MACROD2: variants seen among roughly 807,000 people sequenced by gnomAD.
The protein encoded by MACROD2 is ADP-ribose glycohydrolase MACROD2.
Under a neutral mutation model 70.4 loss-of-function variants are expected in MACROD2, and 36 were observed. That is an observed-to-expected ratio of 0.51 (90% CI 0.39 to 0.68). The LOEUF is 0.68. MACROD2 is among the 30% of genes least tolerant of loss of function. The pLI is 0.00. For missense variants in MACROD2, 496 were observed against 538.4 expected, an observed-to-expected ratio of 0.92 and a Z score of 0.78; for synonymous variants, 172 against 178.8, an observed-to-expected ratio of 0.96 and a Z score of 0.30.
chr20:15,251,923 G>A (rs1379931467), intron 6 of MACROD2, among the ~76,000 whole-genome samples: 1 of 152,166 alleles, frequency 6.6e-6, no homozygotes, highest in Non-Finnish European at 1.5e-5. Context: ...TCAAAGCTGA[G>A]GGAGTTATAT....
intron 10 of MACROD2, among the ~76,000 whole-genome samples, chr20:15,912,848 A>G (rs1395083180): frequency 6.6e-6 from 1 of 152,216 alleles, no homozygotes; most frequent in African/African-American, 2.4e-5. Context: ...TTCTGCATAA[A>G]ATTTAATTAT....
In MACROD2 at chr20:14,003,299, A is replaced by G. The variant is rs146722498; in HGVS notation, c.163+895A>G. On this transcript the variant is annotated intron_variant, in intron 2 of 17. Coordinates refer to ENST00000684519, the MANE Select transcript of MACROD2 (RefSeq NM_001351661.2). ...TGGTGTCTGTGAAGAGAACACATTGACCTGAGGATTTGGGTTTTAGACACA... is the reference window on the plus strand; with the variant it reads ...TGGTGTCTGTGAAGAGAACACATTGGCCTGAGGATTTGGGTTTTAGACACA... 8.6e-4 allele frequency among the ~76,000 whole-genome samples: 131 copies of G among 152,268 alleles called. 3 individuals are homozygous for G. The East Asian group carries it at 0.023, about 27-fold the overall frequency.
At chr20:14,538,032 C>T (rs549793589) in intron 4 of MACROD2, among the ~76,000 whole-genome samples, 7 of 152,260 alleles carry the variant, frequency 4.6e-5, no homozygotes, top group African/African-American at 1.4e-4. Flanking sequence ...TATCTTTTCT[C>T]GAGTGCTTAC....
At chr20:14,956,845 T>C (rs190777583) in intron 5 of MACROD2, among the ~76,000 whole-genome samples, 73 of 152,284 alleles carry the variant, frequency 4.8e-4, no homozygotes, top group Non-Finnish European at 9.4e-4. Context: ...ACGCTTCTGA[T>C]GATGTAGTAA....
intron 8 of MACROD2, among the ~76,000 whole-genome samples, chr20:15,564,771 C>T (rs1449529413): frequency 6.6e-6 from 1 of 152,154 alleles, no homozygotes; most frequent in Non-Finnish European, 1.5e-5. Context: ...ACATTTTGAA[C>T]ATTTTTCCCA....
intron 2 of MACROD2, among the ~76,000 whole-genome samples, chr20:14,016,107 A>C (rs992495449): frequency 6.6e-6 from 1 of 152,246 alleles, no homozygotes; most frequent in Non-Finnish European, 1.5e-5. Context: ...CCCACCACCA[A>C]TGCACAGGGG....
intron 8 of MACROD2, among the ~76,000 whole-genome samples, chr20:15,615,690 C>T (rs1046609910): frequency 1.6e-4 from 24 of 152,120 alleles, no homozygotes; most frequent in Non-Finnish European, 1.2e-4. Flanking sequence ...TGAGGAGTGT[C>T]CTGCTCTTTC....
intron 3 of MACROD2, among the ~76,000 whole-genome samples, chr20:14,169,310 G>C (rs557792280): frequency 1.4e-5 from 2 of 144,116 alleles, no homozygotes; most frequent in South Asian, 4.3e-4. Flanking sequence ...ACTTTTTTTT[G>C]GGGGGGGGCG....
intron 5 of MACROD2, among the ~76,000 whole-genome samples, chr20:15,111,754 G>C (rs2075957232): frequency 6.6e-6 from 1 of 152,224 alleles, no homozygotes; most frequent in Admixed American, 6.5e-5. Context: ...AGGACAACTT[G>C]TAAAACTTTC....
At chr20:14,085,831 C>T (rs750128342) in intron 3 of MACROD2, 103 bp downstream of exon 3, 48 of 589,066 alleles carry the variant, frequency 8.1e-5, no homozygotes, top group African/African-American at 1.7e-4. Context: ...TGCTTTTTGA[C>T]GTAGAAATGT....
At chr20:15,559,063 C>G (rs35039954) in intron 8 of MACROD2, among the ~76,000 whole-genome samples, 13,978 of 151,730 alleles carry the variant, frequency 0.092, 773 homozygotes, top group South Asian at 0.17. Context: ...CCCGTCTCTA[C>G]TAAAAATACA....
chr20:14,695,828 A>C (rs2071119009), intron 5 of MACROD2, among the ~76,000 whole-genome samples: 1 of 152,250 alleles, frequency 6.6e-6, no homozygotes, highest in South Asian at 2.1e-4. Flanking sequence ...AGAGGCATCC[A>C]GCCAAGCCAC....
At chr20:15,093,170 C>T (rs1056673035) in intron 5 of MACROD2, among the ~76,000 whole-genome samples, 2 of 152,026 alleles carry the variant, frequency 1.3e-5, no homozygotes, top group Non-Finnish European at 2.9e-5. Flanking sequence ...AATTATCTCC[C>T]CACCAAAGAT....
At chr20:14,923,835 A>C in intron 5 of MACROD2, among the ~76,000 whole-genome samples, 1 of 149,744 alleles carries the variant, frequency 6.7e-6, no homozygotes, top group Non-Finnish European at 1.5e-5. Context: ...GAGGGTTGGG[A>C]AAGAGAAGAA....
chr20:14,318,867 A>T (rs111496911), intron 3 of MACROD2, among the ~76,000 whole-genome samples: 1 of 152,006 alleles, frequency 6.6e-6, no homozygotes, highest in African/African-American at 2.4e-5. Flanking sequence ...TTGGGTTCCA[A>T]TTTCCCATGT....
intron 8 of MACROD2, among the ~76,000 whole-genome samples, chr20:15,534,506 C>T (rs977812110): frequency 3.3e-5 from 5 of 152,154 alleles, no homozygotes; most frequent in African/African-American, 1.2e-4. Context: ...TTCTCCCTCC[C>T]TTACAGGCTC....
At chr20:14,292,127 C>G (rs1281918424) in intron 3 of MACROD2, among the ~76,000 whole-genome samples, 1 of 151,824 alleles carries the variant, frequency 6.6e-6, no homozygotes, top group South Asian at 2.1e-4. Flanking sequence ...TAAAGCTATC[C>G]CTGGAGGGAG....
At position 15,065,654 on chromosome 20, in the gene MACROD2, CAAAAAAAA is replaced by C. The variant is rs554222351; in HGVS notation, c.419-164276_419-164269del. Among the ~76,000 whole-genome samples the C allele has an allele frequency of 3.2e-5, 3 of 95,008 alleles. No homozygotes were observed. The South Asian group carries it at 9.5e-4, about 30-fold the overall frequency. 62.3% of individuals were successfully genotyped at this position (95,008 alleles called of 152,430 possible). Reference sequence around the variant, plus strand: ...GGGCGACAGAGCGAGACTCCGTCTCCAAAAAAAAAAAAAAAAAGAGAAAGTAATTTACA... The same window carrying C: ...GGGCGACAGAGCGAGACTCCGTCTCCAAAAAAAAAGAGAAAGTAATTTACA... On this transcript the variant is annotated intron_variant, in intron 5 of 17. Transcript: ENST00000684519.
chr20:15,432,551 A>G (rs2046376127), intron 7 of MACROD2, among the ~76,000 whole-genome samples: 1 of 152,076 alleles, frequency 6.6e-6, no homozygotes. Context: ...AATGCCCAAT[A>G]ACAAACCTTA....
Sources: gnomAD v4.1 joint callset for allele counts (sites outside exome capture counted in the v4.1 genomes callset) on GRCh38, gnomAD v4.1.1 for gene constraint, MANE v1.5 for transcripts, NCBI Gene and HGNC (gene_info 2026-07-23, HGNC 2026-07-21) for gene names.